Variants in GRIA3 observed in about 807,000 individuals in gnomAD.
GRIA3 encodes the protein glutamate receptor 3.
GRIA3 carries 3 observed loss-of-function variants against 63.0 expected under a neutral mutation model. That is an observed-to-expected ratio of 0.05 (90% CI 0.02 to 0.12). GRIA3 has a LOEUF of 0.12. Ranked by LOEUF, GRIA3 falls within the 10% of genes least tolerant of loss-of-function variation. The pLI is 1.00. For missense variants in GRIA3, 347 were observed against 700.9 expected, an observed-to-expected ratio of 0.50 and a Z score of 5.70; for synonymous variants, 274 against 257.9, an observed-to-expected ratio of 1.06 and a Z score of -0.60.
chrX:123,242,825 T>A (rs752514133), intron 2 of GRIA3, among the ~76,000 whole-genome samples: 1 of 112,728 alleles, frequency 8.9e-6, no homozygotes, highest in Non-Finnish European at 1.9e-5. Context: ...CAAGGCCATA[T>A]AGCCAATTAG....
At chrX:123,407,808 A>T (rs1366115271) in intron 10 of GRIA3, among the ~76,000 whole-genome samples, 3 of 109,450 alleles carry the variant, frequency 2.7e-5, no homozygotes, top group African/African-American at 1.0e-4. Flanking sequence ...TATCTGCCCA[A>T]CAGCTAAAGT....
At chrX:123,355,503 G>A (rs1375395095) in intron 5 of GRIA3, among the ~76,000 whole-genome samples, 2 of 112,106 alleles carry the variant, frequency 1.8e-5, no homozygotes, top group African/African-American at 6.5e-5. Flanking sequence ...TAAAATTTGT[G>A]ACACTGTAGA....
intron 3 of GRIA3, among the ~76,000 whole-genome samples, chrX:123,271,004 T>C (rs1276589588): frequency 1.8e-5 from 2 of 111,907 alleles, no homozygotes; most frequent in East Asian, 5.6e-4. Context: ...TAAGGCATCT[T>C]AGAAGAAGAG....
intron 13 of GRIA3, 84 bp downstream of exon 13, chrX:123,465,196 G>A: frequency 1.0e-6 from 1 of 957,528 alleles, no homozygotes. Flanking sequence ...TCTTTCTTGT[G>A]GATTTTGAGG....
chrX:123,427,679 T>G (rs1390306547), intron 11 of GRIA3, among the ~76,000 whole-genome samples: 1 of 111,214 alleles, frequency 9.0e-6, no homozygotes, highest in Non-Finnish European at 1.9e-5. Context: ...CTGACCTCAT[T>G]TTTTAAAAAG....
chrX:123,287,577 C>T (rs1395109847), intron 3 of GRIA3, among the ~76,000 whole-genome samples: 1 of 111,989 alleles, frequency 8.9e-6, no homozygotes, highest in Non-Finnish European at 1.9e-5. Context: ...TCTCAGGATA[C>T]AAAATCAATG....
chrX:123,384,681 T>C (rs1419665880), intron 5 of GRIA3, among the ~76,000 whole-genome samples: 4 of 112,321 alleles, frequency 3.6e-5, no homozygotes, highest in African/African-American at 1.3e-4. Context: ...TTTGACTTTT[T>C]AATAGCCATT....
chrX:123,240,620 AC>A (rs1300528633), intron 2 of GRIA3, among the ~76,000 whole-genome samples: 1 of 111,605 alleles, frequency 9.0e-6, no homozygotes, highest in Non-Finnish European at 1.9e-5. Context: ...CAATTTTTCC[AC>A]CTGTAAAATG....
At chrX:123,298,306 C>G (rs912352768) in intron 3 of GRIA3, among the ~76,000 whole-genome samples, 9 of 111,318 alleles carry the variant, frequency 8.1e-5, no homozygotes, top group African/African-American at 2.3e-4. Flanking sequence ...GGAATCAAAA[C>G]ACTGTCTTCC....
At chrX:123,420,981 A>G (rs2045561562) in intron 11 of GRIA3, among the ~76,000 whole-genome samples, 1 of 111,570 alleles carries the variant, frequency 9.0e-6, no homozygotes, top group South Asian at 3.7e-4. Flanking sequence ...ACACATATGT[A>G]TATAACCAAA....
At position 123,410,024 on chromosome X, in the gene GRIA3, A is replaced by G. The variant is rs774212094; in HGVS notation, c.1500+5110A>G. Among the ~76,000 whole-genome samples the G allele has an allele frequency of 1.1e-4, 12 of 111,873 alleles. No individual in the cohort carries two copies. In the South Asian group the frequency reaches 3.4e-3, roughly 32 times the overall value. ...CCTGGCTCTAAGGGGCTTACAATCT[A>G]GTTGGATTATAAACTTTTCCATCTA... On this transcript the variant is annotated intron_variant, in intron 10 of 15. Transcript: ENST00000620443.
chrX:123,374,191 C>T (rs1222943415), intron 5 of GRIA3, among the ~76,000 whole-genome samples: 3 of 111,435 alleles, frequency 2.7e-5, no homozygotes, highest in African/African-American at 6.5e-5. Context: ...CTTCTGAGGC[C>T]TCTGTTCTGT....
At chrX:123,254,133 TGTTTTGTTTTTG>T (rs984339056) in intron 3 of GRIA3, among the ~76,000 whole-genome samples, 2 of 111,481 alleles carry the variant, frequency 1.8e-5, no homozygotes, top group African/African-American at 3.3e-5. Flanking sequence ...ATTGACTTTT[TGTTTTGTTTTTG>T]GTTTTGTTTT....
intron 5 of GRIA3, among the ~76,000 whole-genome samples, chrX:123,367,002 G>C (rs1429722459): frequency 3.6e-5 from 4 of 111,541 alleles, no homozygotes; most frequent in Non-Finnish European, 1.9e-5. Context: ...GATTCTCAGA[G>C]CCCGACTTTA....
At chrX:123,393,434 A>C (rs780879636) in intron 5 of GRIA3, among the ~76,000 whole-genome samples, 64 of 112,576 alleles carry the variant, frequency 5.7e-4, no homozygotes, top group African/African-American at 2.0e-3. Flanking sequence ...TAAAAAAGAG[A>C]GGAAACATTA....
chrX:123,353,230 C>G (rs747477579), intron 4 of GRIA3, among the ~76,000 whole-genome samples: 1 of 112,009 alleles, frequency 8.9e-6, no homozygotes, highest in South Asian at 3.8e-4. Context: ...TTCCTCTTGT[C>G]CAAGACTTTA....
intron 5 of GRIA3, among the ~76,000 whole-genome samples, chrX:123,360,511 T>G (rs1242283940): frequency 9.9e-5 from 7 of 70,524 alleles, no homozygotes; most frequent in Non-Finnish European, 1.6e-4. Flanking sequence ...TGAAACCCTG[T>G]CTCTACTTAA....
intron 3 of GRIA3, among the ~76,000 whole-genome samples, chrX:123,300,873 T>C (rs780313253): frequency 1.8e-5 from 2 of 111,431 alleles, no homozygotes; most frequent in African/African-American, 6.5e-5. Flanking sequence ...TGTATCTTTG[T>C]TCTCATTAGT....
At chrX:123,228,930 C>T (rs1025957076) in intron 2 of GRIA3, among the ~76,000 whole-genome samples, 4 of 111,783 alleles carry the variant, frequency 3.6e-5, no homozygotes, top group Non-Finnish European at 7.5e-5. Context: ...AATTATATAA[C>T]ACATATTACA....
Sources: gnomAD v4.1 joint callset for allele counts (sites outside exome capture counted in the v4.1 genomes callset) on GRCh38, gnomAD v4.1.1 for gene constraint, MANE v1.5 for transcripts, NCBI Gene and HGNC (gene_info 2026-07-23, HGNC 2026-07-21) for gene names.